Variants in HERC3 observed in about 807,000 individuals in gnomAD.
The protein encoded by HERC3 is HECT and RLD domain containing E3 ubiquitin protein ligase 3, also known as probable E3 ubiquitin-protein ligase HERC3.
HERC3 carries 58 observed loss-of-function variants against 129.9 expected under a neutral mutation model. The ratio of observed to expected loss-of-function variants is 0.45; its 90% CI spans 0.36 to 0.56. The LOEUF (loss-of-function observed/expected upper bound fraction) is 0.56. HERC3 is among the 20% of genes least tolerant of loss of function. The probability of loss-of-function intolerance (pLI) is 0.00; values close to 1 mark genes in which losing one functional copy is unlikely to be tolerated. For synonymous variants in HERC3, 430 were observed against 451.0 expected, an observed-to-expected ratio of 0.95 and a Z score of 0.59; for missense variants, 835 against 1,244.2, an observed-to-expected ratio of 0.67 and a Z score of 4.95.
the HERC3 span, among the ~76,000 whole-genome samples, chr4:88,558,917 G>A: frequency 3.4e-5 from 5 of 148,834 alleles, no homozygotes; most frequent in East Asian, 1.0e-3. Context: ...GCAGTGAGCC[G>A]AGATCATGCC....
At chr4:88,672,451 G>A (rs1731714560) in intron 16 of HERC3, among the ~76,000 whole-genome samples, 1 of 152,044 alleles carries the variant, frequency 6.6e-6, no homozygotes, top group Non-Finnish European at 1.5e-5. Context: ...GAGGTACAAT[G>A]CTATTAGAAA....
At chr4:88,544,652 A>T in the HERC3 span, among the ~76,000 whole-genome samples, 2 of 152,232 alleles carry the variant, frequency 1.3e-5, no homozygotes, top group African/African-American at 2.4e-5. Flanking sequence ...CACAATAGCA[A>T]AGACTTGGAA....
chr4:88,555,269 G>A, the HERC3 span, among the ~76,000 whole-genome samples: 49 of 137,646 alleles, frequency 3.6e-4, no homozygotes, highest in African/African-American at 1.3e-3. Flanking sequence ...GTGACAGAGC[G>A]AGACTCCGTC....
chr4:88,550,977 G>A, the HERC3 span, among the ~76,000 whole-genome samples: 1 of 149,144 alleles, frequency 6.7e-6, no homozygotes, highest in East Asian at 2.0e-4. Context: ...CAGAAATAAT[G>A]CCGCATATCT....
chr4:88,637,003 C>T (rs1009996591), intron 3 of HERC3, among the ~76,000 whole-genome samples: 3 of 152,110 alleles, frequency 2.0e-5, no homozygotes, highest in African/African-American at 7.2e-5. Flanking sequence ...GCAGTGTGCG[C>T]CTGTAGTCCC....
the HERC3 span, among the ~76,000 whole-genome samples, chr4:88,557,014 C>A: frequency 6.6e-6 from 1 of 152,130 alleles, no homozygotes; most frequent in African/African-American, 2.4e-5. Flanking sequence ...TGCAGTTCTG[C>A]AAAATGACCA....
At chr4:88,603,420 C>A (rs1177451167) in intron 2 of HERC3, among the ~76,000 whole-genome samples, 2 of 152,050 alleles carry the variant, frequency 1.3e-5, no homozygotes, top group African/African-American at 4.8e-5. Flanking sequence ...GTTGGTCAGG[C>A]TGGTCTCGAA....
At chr4:88,550,579 G>A in the HERC3 span, among the ~76,000 whole-genome samples, 2 of 152,144 alleles carry the variant, frequency 1.3e-5, no homozygotes, top group Admixed American at 6.6e-5. Context: ...ACTTACAAGG[G>A]ACGTGAAGGA....
In HERC3 at chr4:88,708,359, A is replaced by G. The variant is rs1032085165; in HGVS notation, c.*1399A>G. The G allele has an allele frequency of 5.4e-4, 83 of 152,676 alleles. No individual in the cohort carries two copies. The highest frequency in any genetic ancestry group is 1.8e-3 in the African/African-American group (75 of 41,534). 9.5% of individuals were successfully genotyped at this position (152,676 alleles called of 1,614,324 possible). ...ATAAAGCATCAAATCTTGATGAAGG[A>G]TTGTAGATTTTTGCTTTTTCTTTTT... On this transcript the variant is annotated 3_prime_UTR_variant, in exon 26 of 26. Coordinates refer to ENST00000402738, the MANE Select transcript of HERC3 (RefSeq NM_014606.3).
In HERC3 at chr4:88,656,014, G is replaced by T; in HGVS notation, c.1048G>T (p.Gly350Cys). The T allele has an allele frequency of 6.2e-7, 1 of 1,614,012 alleles. No individual in the cohort carries two copies. The highest frequency in any genetic ancestry group is 1.1e-5 in the South Asian group (1 of 91,066). The change falls in exon 9 of 26, where the codon GGC (glycine) becomes TGC (cysteine). Residue 350 changes from glycine to cysteine, a missense_variant. By Grantham distance (159) the Gly-to-Cys change is radical. Coordinates refer to ENST00000402738, the MANE Select transcript of HERC3 (RefSeq NM_014606.3). ...CAAGGGTTACTGGGCTGCCCACAGTGGCCAGCTTTCAGCCCGAGCTGGTAA... is the reference window on the plus strand; with the variant it reads ...CAAGGGTTACTGGGCTGCCCACAGTTGCCAGCTTTCAGCCCGAGCTGGTAA... ...PVKGYWAAHSGQLSARADRFK... is the reference protein window; with the variant it reads ...PVKGYWAAHSCQLSARADRFK...
rs764792053 is a variant in HERC3 at position 88,651,997 on chromosome 4, C to G, written c.387-15C>G. The stretch of plus-strand genomic sequence containing the variant: ...GTGAATATCTATCTGAAAAAGAAAG[C>G]CTTTTCTGTTTTAGGTTAATACAAA... On this transcript the variant is annotated splice_polypyrimidine_tract_variant and intron_variant, in intron 4 of 25. Coordinates refer to ENST00000402738, the MANE Select transcript of HERC3 (RefSeq NM_014606.3). The G allele has an allele frequency of 1.3e-6, 2 of 1,568,196 alleles. No individual in the cohort carries two copies. The highest frequency in any genetic ancestry group is 8.8e-7 in the Non-Finnish European group (1 of 1,140,622).
chr4:88,653,665 G>C (rs1437142393), intron 6 of HERC3, among the ~76,000 whole-genome samples: 2 of 152,240 alleles, frequency 1.3e-5, no homozygotes, highest in Non-Finnish European at 2.9e-5. Context: ...TGGAAGACCA[G>C]CTTGGAGGTT....
chr4:88,534,534 G>C, the HERC3 span, among the ~76,000 whole-genome samples: 3 of 151,072 alleles, frequency 2.0e-5, no homozygotes, highest in East Asian at 3.9e-4. Context: ...CCTCTACTTA[G>C]TCAGTTCCTG....
intron 3 of HERC3, among the ~76,000 whole-genome samples, chr4:88,615,445 T>G (rs529163705): frequency 6.6e-5 from 10 of 152,336 alleles, no homozygotes; most frequent in African/African-American, 2.4e-4. Context: ...CCTTGTAGAC[T>G]TTCCATCATT....
chr4:88,668,380 C>T (rs1296574725), intron 14 of HERC3, among the ~76,000 whole-genome samples: 1 of 152,040 alleles, frequency 6.6e-6, no homozygotes, highest in Non-Finnish European at 1.5e-5. Flanking sequence ...TGCTCAGTAC[C>T]TCAGTATTAC....
At chr4:88,600,586 T>C (rs960095883) in intron 2 of HERC3, among the ~76,000 whole-genome samples, 1 of 152,274 alleles carries the variant, frequency 6.6e-6, no homozygotes, top group Admixed American at 6.5e-5. Flanking sequence ...ACTGTGATTT[T>C]TATTTTTTAT....
chr4:88,606,217 G>A (rs1237920779), intron 3 of HERC3, among the ~76,000 whole-genome samples, 168 bp downstream of exon 3: 1 of 151,520 alleles, frequency 6.6e-6, no homozygotes, highest in African/African-American at 2.4e-5. Context: ...TCTAATTCAA[G>A]CCTTTTGATG....
chr4:88,596,667 G>T (rs923755418), intron 2 of HERC3, among the ~76,000 whole-genome samples: 2 of 152,200 alleles, frequency 1.3e-5, no homozygotes, highest in African/African-American at 4.8e-5. Flanking sequence ...TTTGTTTTGT[G>T]AAGTATTTGT....
chr4:88,675,568 A>T (rs1184260297), intron 16 of HERC3, among the ~76,000 whole-genome samples: 2 of 152,114 alleles, frequency 1.3e-5, no homozygotes, highest in Non-Finnish European at 2.9e-5. Flanking sequence ...CTTAACAAAA[A>T]GTGAACCTAT....
Sources: gnomAD v4.1 joint callset for allele counts (sites outside exome capture counted in the v4.1 genomes callset) on GRCh38, gnomAD v4.1.1 for gene constraint, MANE v1.5 for transcripts, NCBI Gene and HGNC (gene_info 2026-07-23, HGNC 2026-07-21) for gene names.